ABAT: variants seen among roughly 807,000 people sequenced by gnomAD.
ABAT encodes the protein 4-aminobutyrate aminotransferase, also known as 4-aminobutyrate aminotransferase, mitochondrial.
In ABAT, 45 loss-of-function variants were observed where a neutral mutation model predicts 64.6. The observed-to-expected ratio is 0.70, with a 90% CI of 0.55 to 0.89. ABAT has a LOEUF of 0.89. Among genes scored for constraint, ABAT ranks in the 40% least tolerant of loss-of-function variants. The probability of loss-of-function intolerance (pLI) is 0.00; values close to 1 mark genes in which losing one functional copy is unlikely to be tolerated. For synonymous variants in ABAT, 297 were observed against 250.5 expected (o/e 1.19, Z -1.75); for missense variants, 633 against 658.4 (o/e 0.96, Z 0.42).
chr16:8,694,572 C>T (rs2057660412), intron 1 of ABAT, among the ~76,000 whole-genome samples: 2 of 151,758 alleles, frequency 1.3e-5, no homozygotes, highest in Admixed American at 6.6e-5. Context: ...GAGATGGGGT[C>T]TCACTATATC....
At chr16:8,701,182 C>A (rs2057814222) in intron 1 of ABAT, among the ~76,000 whole-genome samples, 1 of 152,198 alleles carries the variant, frequency 6.6e-6, no homozygotes, top group African/African-American at 2.4e-5. Flanking sequence ...AAGTGATCTA[C>A]CTGGGCCTCC....
intron 1 of ABAT, among the ~76,000 whole-genome samples, chr16:8,702,265 CT>C (rs772540336): frequency 0.013 from 1,712 of 135,628 alleles, 15 homozygotes; most frequent in Middle Eastern, 0.029. Flanking sequence ...GTGCTGCACT[CT>C]TTTTTTTTTT....
chr16:8,748,970 G>C (rs1712156997), intron 4 of ABAT, among the ~76,000 whole-genome samples: 1 of 151,828 alleles, frequency 6.6e-6, no homozygotes, highest in Non-Finnish European at 1.5e-5. Context: ...GACAATCTCT[G>C]CCTTTTGATT....
chr16:8,755,777 C>T lies in ABAT; in HGVS notation c.317-1980C>T, dbSNP rs558809561. 9.2e-5 allele frequency among the ~76,000 whole-genome samples: 14 copies of T among 151,836 alleles called. No homozygotes were observed. In the South Asian group the frequency reaches 2.7e-3, roughly 29 times the overall value. On this transcript the variant is annotated intron_variant, in intron 5 of 15. Coordinates refer to ENST00000268251, the MANE Select transcript of ABAT (RefSeq NM_020686.6). ...AATACAAAAAAATTGTGGCTGGGTA[C>T]GGTGACTACCGCCTGTAATCCCAGC...
chr16:8,761,253 C>T (rs1479404843), intron 6 of ABAT, among the ~76,000 whole-genome samples: 1 of 150,146 alleles, frequency 6.7e-6, no homozygotes, highest in African/African-American at 2.4e-5. Context: ...CTAACCCTCA[C>T]ATCTCCCACT....
At chr16:8,768,166 C>G in intron 9 of ABAT, 27 bp from the exon 10 acceptor site, 2 of 1,609,172 alleles carry the variant, frequency 1.2e-6, no homozygotes, top group African/African-American at 1.3e-5. Context: ...ACAACTATGA[C>G]TAATGACTGA....
At chr16:8,703,263 C>T (rs1035300808) in intron 1 of ABAT, among the ~76,000 whole-genome samples, 1 of 151,978 alleles carries the variant, frequency 6.6e-6, no homozygotes, top group African/African-American at 2.4e-5. Context: ...CCTGGAGTTT[C>T]GGCCGACATG....
At chr16:8,735,165 C>G (rs1157973101) in intron 1 of ABAT, among the ~76,000 whole-genome samples, 1 of 138,608 alleles carries the variant, frequency 7.2e-6, no homozygotes, top group African/African-American at 2.8e-5. Context: ...TAGAATGAGA[C>G]TCCATCTCAA....
At chr16:8,734,362 C>T (rs2058849418) in intron 1 of ABAT, among the ~76,000 whole-genome samples, 1 of 152,162 alleles carries the variant, frequency 6.6e-6, no homozygotes, top group Non-Finnish European at 1.5e-5. Context: ...AGAAACAGTA[C>T]TTGGTACAAA....
intron 1 of ABAT, among the ~76,000 whole-genome samples, chr16:8,706,808 T>C (rs985968302): frequency 2.0e-5 from 3 of 152,168 alleles, no homozygotes; most frequent in African/African-American, 4.8e-5. Context: ...AGCAAGACAA[T>C]TGTATATCCA....
At chr16:8,677,613 G>T (rs1244658352) in intron 1 of ABAT, among the ~76,000 whole-genome samples, 1 of 152,122 alleles carries the variant, frequency 6.6e-6, no homozygotes, top group East Asian at 1.9e-4. Flanking sequence ...TGTATTGTAG[G>T]ATATTCAGCA....
chr16:8,758,947 C>A (rs984318312), intron 6 of ABAT, among the ~76,000 whole-genome samples: 1 of 151,946 alleles, frequency 6.6e-6, no homozygotes, highest in Non-Finnish European at 1.5e-5. Context: ...ACTAAAAATA[C>A]AACAGTTAGC....
At chr16:8,708,954 G>C (rs963491279) in intron 1 of ABAT, among the ~76,000 whole-genome samples, 3 of 152,290 alleles carry the variant, frequency 2.0e-5, no homozygotes, top group Middle Eastern at 3.4e-3. Flanking sequence ...TCCCACCTGA[G>C]CTACATTTGC....
In ABAT at chr16:8,740,832, C is replaced by T. The variant is rs545239314; in HGVS notation, c.70+5023C>T. ...TTCCATGTTGCTTATTGGTATCTTC[C>T]TCAATAAACATTTTATCACAAAATA... On this transcript the variant is annotated intron_variant, in intron 2 of 15. Transcript: ENST00000268251. Among the ~76,000 whole-genome samples the T allele has an allele frequency of 1.7e-4, 26 of 152,246 alleles. No homozygotes were observed. In the South Asian group the frequency reaches 5.4e-3, roughly 32 times the overall value.
At chr16:8,678,779 G>A in intron 1 of ABAT, among the ~76,000 whole-genome samples, 1 of 152,200 alleles carries the variant, frequency 6.6e-6, no homozygotes, top group East Asian at 1.9e-4. Context: ...GATTTTAGAT[G>A]AATGAGGTGG....
At chr16:8,773,465 A>T (rs2060180274) in intron 12 of ABAT, among the ~76,000 whole-genome samples, 1 of 152,282 alleles carries the variant, frequency 6.6e-6, no homozygotes, top group Non-Finnish European at 1.5e-5. Flanking sequence ...AAATCTTTTT[A>T]AAAAACCTTT....
chr16:8,779,401 T>G, intron 14 of ABAT, 78 bp from the exon 15 acceptor site: 2 of 1,279,598 alleles, frequency 1.6e-6, no homozygotes, highest in Admixed American at 3.6e-5. Flanking sequence ...GGGAGGCCTT[T>G]GACGAAGCAC....
At chr16:8,768,696 G>C in intron 10 of ABAT, 129 bp from the exon 11 acceptor site, 1 of 1,276,730 alleles carries the variant, frequency 7.8e-7, no homozygotes. Context: ...AAGAACTGGG[G>C]TTTCACAGGC....
intron 1 of ABAT, among the ~76,000 whole-genome samples, chr16:8,708,523 A>G (rs756768691): frequency 1.3e-4 from 19 of 151,630 alleles, no homozygotes; most frequent in Non-Finnish European, 1.5e-4. Context: ...CTGGTCTTGA[A>G]CTCCTGAGCT....
Sources: gnomAD v4.1 joint callset for allele counts (sites outside exome capture counted in the v4.1 genomes callset) on GRCh38, gnomAD v4.1.1 for gene constraint, MANE v1.5 for transcripts, NCBI Gene and HGNC (gene_info 2026-07-23, HGNC 2026-07-21) for gene names.